Variants in FUS observed in about 807,000 individuals in gnomAD.
FUS encodes FUS RNA binding protein.
Under a neutral mutation model 82.7 loss-of-function variants are expected in FUS, and 5 were observed. That is an observed-to-expected ratio of 0.06 (90% CI 0.03 to 0.13). The LOEUF (loss-of-function observed/expected upper bound fraction) is 0.13. Among genes scored for constraint, FUS ranks in the 10% least tolerant of loss-of-function variants. The pLI, the probability that FUS is intolerant of heterozygous loss-of-function variation, is 1.00. For missense variants in FUS, 512 were observed against 707.8 expected (o/e 0.72, Z 3.14); for synonymous variants, 281 against 247.4 (o/e 1.14, Z -1.27).
Position 31,188,313 on chromosome 16 carries a change from A to G in FUS, c.800-12A>G, listed in dbSNP as rs766512522. 61 of 1,602,660 alleles carry G rather than the reference A, an allele frequency of 3.8e-5. No homozygotes were observed. The highest frequency in any genetic ancestry group is 1.2e-4 in the South Asian group (11 of 89,748). The stretch of plus-strand genomic sequence containing the variant: ...TGTTTTTTTTTTGTTCTTTTTTTCC[A>G]TGTCACTAAAGGCCCTCGGGACCAA... On this transcript the variant is annotated splice_polypyrimidine_tract_variant and intron_variant, in intron 7 of 14. Coordinates refer to ENST00000254108, the MANE Select transcript of FUS (RefSeq NM_004960.4).
intron 7 of FUS, 59 bp downstream of exon 7, chr16:31,186,895 A>C: frequency 6.8e-7 from 1 of 1,464,394 alleles, no homozygotes; most frequent in Non-Finnish European, 9.6e-7. Context: ...CTGATTGTTC[A>C]TTTGCAGATG....
chr16:31,184,905 T>C lies in FUS; in HGVS notation c.524-34T>C, dbSNP rs1156968272. ...TAGTGCTACTTTACAATCTTTTTGT[T>C]TTTTTTTTTTAATCATTCTTTCTTT... On this transcript the variant is annotated intron_variant, in intron 5 of 14. Transcript: ENST00000254108. 2.5e-6 allele frequency: 4 copies of C among 1,593,536 alleles called. No individual in the cohort carries two copies. In the East Asian group the frequency reaches 8.9e-5, roughly 36 times the overall value.
chr16:31,189,101 A>G, intron 8 of FUS, 22 bp from the exon 9 acceptor site: 2 of 1,577,208 alleles, frequency 1.3e-6, no homozygotes, highest in Non-Finnish European at 1.7e-6. Flanking sequence ...TCACATTTGC[A>G]TTTTCTCTGT....
chr16:31,187,178 G>C, intron 7 of FUS: 1 of 420,196 alleles, frequency 2.4e-6, no homozygotes, highest in South Asian at 3.1e-5. Context: ...GTGCCATCTT[G>C]GCTTTAGGAT....
intron 13 of FUS, 25 bp from the exon 14 acceptor site, chr16:31,190,938 A>G (rs1168430598): frequency 6.2e-7 from 1 of 1,611,124 alleles, no homozygotes; most frequent in Non-Finnish European, 8.5e-7. Flanking sequence ...TGGGAATATG[A>G]TAGATCTTGT....
chr16:31,184,877 T>A, intron 5 of FUS, 62 bp from the exon 6 acceptor site: 1 of 1,565,698 alleles, frequency 6.4e-7, no homozygotes, highest in Non-Finnish European at 8.8e-7. Flanking sequence ...TTTTCAAACC[T>A]TTTAGTGCTA....
rs2079312124 is a variant in FUS at position 31,188,942 on chromosome 16, AATCTGAAATTTATC to A, written c.833-179_833-166del. 3 of 629,882 alleles carry A rather than the reference AATCTGAAATTTATC, an allele frequency of 4.8e-6. No individual in the cohort carries two copies. The South Asian group carries it at 5.6e-5, about 12-fold the overall frequency. The allele number at this position is 629,882 out of a possible 1,614,324, so 39.0% of individuals were successfully genotyped here. ...GTTTCAAAGGATAATTGTCAAACTG[AATCTGAAATTTATC>A]AGCATGGCTGGCATATAGGGACTCA... On this transcript the variant is annotated intron_variant, in intron 8 of 14. Transcript: ENST00000254108.
At chr16:31,194,393 A>C (rs149361851), downstream of FUS, 12 of 514,728 alleles carry the variant, frequency 2.3e-5, no homozygotes, top group South Asian at 1.1e-4. Context: ...CCCGCAAGCT[A>C]TCTGCCCACC....
At chr16:31,183,791 T>G in intron 3 of FUS, 67 bp from the exon 4 acceptor site, 2 of 1,596,490 alleles carry the variant, frequency 1.3e-6, no homozygotes, top group Non-Finnish European at 8.6e-7. Flanking sequence ...TATGTTTTCT[T>G]TAACCCATTC....
intron 7 of FUS, chr16:31,187,978 G>A (rs534690319): frequency 8.1e-6 from 3 of 370,626 alleles, no homozygotes; most frequent in South Asian, 7.2e-5. Flanking sequence ...TGAGAGAACC[G>A]GGCCAAGCTG....
downstream of FUS, chr16:31,192,687 C>T (rs1343087971): frequency 1.9e-5 from 9 of 480,940 alleles, no homozygotes; most frequent in Middle Eastern, 6.1e-4. Flanking sequence ...CAGGAGAATC[C>T]CAGCTTCTGA....
At chr16:31,187,492 G>T (rs943447407) in intron 7 of FUS, 4 of 228,552 alleles carry the variant, frequency 1.8e-5, no homozygotes, top group Non-Finnish European at 3.5e-5. Flanking sequence ...GGACCAGGAA[G>T]GTCTTAAACA....
At chr16:31,193,409 A>G (rs368307816), downstream of FUS, 1 of 527,096 alleles carries the variant, frequency 1.9e-6, no homozygotes, top group African/African-American at 1.9e-5. Context: ...TCTTTGTTAA[A>G]TGTTTAGTTG....
At chr16:31,188,907 G>T in intron 8 of FUS, 2 of 594,644 alleles carry the variant, frequency 3.4e-6, no homozygotes, top group Non-Finnish European at 6.0e-6. Flanking sequence ...TGTATACTGG[G>T]TGTTAACATG....
downstream of FUS, chr16:31,194,836 A>G: frequency 2.1e-6 from 1 of 477,634 alleles, no homozygotes; most frequent in East Asian, 5.1e-5. Flanking sequence ...CAAAAATAAA[A>G]ACAAAAAATG....
At chr16:31,190,591 T>C in intron 12 of FUS, 151 bp from the exon 13 acceptor site, 5 of 1,160,606 alleles carry the variant, frequency 4.3e-6, no homozygotes, top group Non-Finnish European at 6.5e-6. Flanking sequence ...GTAATACTGA[T>C]TTTTGTTCCT....
chr16:31,192,042 G>A, downstream of FUS: 1 of 533,092 alleles, frequency 1.9e-6, no homozygotes. Context: ...TTCACAGGAA[G>A]GAGAGTAACT....
chr16:31,194,617 T>C, downstream of FUS: 1 of 492,668 alleles, frequency 2.0e-6, no homozygotes, highest in South Asian at 1.5e-5. Flanking sequence ...GAAAATTTTA[T>C]TTTTAATTAA....
chr16:31,184,117 T>A lies in FUS; in HGVS notation c.336-92T>A, dbSNP rs1179141940. On this transcript the variant is annotated intron_variant, in intron 4 of 14. Transcript: ENST00000254108. ...GGTGTAATTGGGGTAGGGGAGCCTG[T>A]GTTGGGTACAGAGAATGGACTCCAC... The A allele has an allele frequency of 1.9e-6, 3 of 1,613,142 alleles. No individual in the cohort carries two copies. In the African/African-American group the frequency reaches 4.0e-5, roughly 22 times the overall value.
Sources: gnomAD v4.1 joint callset for allele counts on GRCh38, gnomAD v4.1.1 for gene constraint, MANE v1.5 for transcripts, NCBI Gene and HGNC (gene_info 2026-07-23, HGNC 2026-07-21) for gene names.